AXIN2: variants seen among roughly 807,000 people sequenced by gnomAD.
The protein encoded by AXIN2 is axin 2.
A neutral mutation model predicts 74.7 loss-of-function variants in AXIN2; 21 were observed. The ratio of observed to expected loss-of-function variants is 0.28; its 90% CI spans 0.20 to 0.40. The LOEUF is 0.40. Among genes scored for constraint, AXIN2 ranks in the 10% least tolerant of loss-of-function variants. The pLI is 1.00. For missense variants in AXIN2, 1,144 were observed against 1,111.1 expected (o/e 1.03, Z -0.42); for synonymous variants, 532 against 454.9 (o/e 1.17, Z -2.16).
At chr17:65,531,194 T>TAAA (rs5821590) in intron 10 of AXIN2, among the ~76,000 whole-genome samples, 34 of 149,434 alleles carry the variant, frequency 2.3e-4, no homozygotes, top group South Asian at 1.5e-3. Flanking sequence ...CTTTTCCCTT[T>TAAA]AAAAAAAAAA....
Position 65,541,564 on chromosome 17 carries a change from G to T in AXIN2, c.957-7C>A. 1 of 1,607,818 alleles carries T rather than the reference G, an allele frequency of 6.2e-7. No homozygotes were observed. The highest frequency in any genetic ancestry group is 8.5e-7 in the Non-Finnish European group (1 of 1,174,208). Reference sequence around the variant, plus strand: ...ATAAGGAGGAATTCCATCTCTAAGGGAAAGGAAAAGACAGAATCCACAGGC... The same window carrying T: ...ATAAGGAGGAATTCCATCTCTAAGGTAAAGGAAAAGACAGAATCCACAGGC... On this transcript the variant is annotated splice_region_variant and splice_polypyrimidine_tract_variant and intron_variant, in intron 3 of 10. Coordinates refer to ENST00000307078, the MANE Select transcript of AXIN2 (RefSeq NM_004655.4).
chr17:65,533,062 G>A (rs373595505), intron 10 of AXIN2, among the ~76,000 whole-genome samples: 53 of 152,348 alleles, frequency 3.5e-4, no homozygotes, highest in African/African-American at 1.2e-3. Flanking sequence ...TGCTCCTTAC[G>A]AGGGAAATGA....
Position 65,541,410 on chromosome 17 carries a change from A to G in AXIN2, c.1059+45T>C, listed in dbSNP as rs762254121. ...CACCCATTTCTTTTCTTTAGGACTC[A>G]ACATGGCAGAAAACAGCTGTCTCCT... On this transcript the variant is annotated intron_variant, in intron 4 of 10. Coordinates refer to ENST00000307078, the MANE Select transcript of AXIN2 (RefSeq NM_004655.4). The G allele has an allele frequency of 3.2e-5, 50 of 1,541,692 alleles. No homozygotes were observed. The South Asian group carries it at 5.2e-4, about 16-fold the overall frequency.
chr17:65,537,791 C>T lies in AXIN2; in HGVS notation c.1245G>A (p.Glu415=). The change falls in exon 6 of 11, where the codon GAG becomes GAA. Residue 415 remains glutamate, a synonymous_variant. Transcript: ENST00000307078. The stretch of plus-strand genomic sequence containing the variant: ...AGAGGGGGTGCTGCGTGGGCGCCCC[C>T]TCCCGCGAATTGAGTGTGAGCTCGG... ...EGSELTLNSR[E]GAPTQHPLSL... is the part of the protein sequence containing the mutation. 2 of 1,588,684 alleles carry T rather than the reference C, an allele frequency of 1.3e-6. No individual in the cohort carries two copies. Among genetic ancestry groups the T allele is most frequent in the Admixed American group, 1.8e-5 (1 of 56,286 alleles).
chr17:65,556,127 C>T (rs2044263108), intron 2 of AXIN2, among the ~76,000 whole-genome samples: 1 of 152,158 alleles, frequency 6.6e-6, no homozygotes, highest in Non-Finnish European at 1.5e-5. Flanking sequence ...GTCGCAACTG[C>T]CCACCCACAA....
chr17:65,529,259 C>G lies in AXIN2; in HGVS notation c.*717G>C, dbSNP rs957951803. 8.5e-6 allele frequency: 2 copies of G among 235,928 alleles called. No homozygotes were observed. The highest frequency in any genetic ancestry group is 2.2e-5 in the African/African-American group (1 of 45,448). The allele number at this position is 235,928 out of a possible 1,614,324, so 14.6% of individuals were successfully genotyped here. A position where few individuals can be genotyped will look rare whatever the true frequency, so the allele number is the denominator to read the frequency against. ...TGCCTCTCCCTCTGCAACAGATCATCCCATCCAACACAACCCCCAAAATGT... is the reference window on the plus strand; with the variant it reads ...TGCCTCTCCCTCTGCAACAGATCATGCCATCCAACACAACCCCCAAAATGT... On this transcript the variant is annotated 3_prime_UTR_variant, in exon 11 of 11. Coordinates refer to ENST00000307078, the MANE Select transcript of AXIN2 (RefSeq NM_004655.4).
At chr17:65,552,219 G>A (rs2044203785) in intron 2 of AXIN2, among the ~76,000 whole-genome samples, 1 of 152,208 alleles carries the variant, frequency 6.6e-6, no homozygotes, top group Admixed American at 6.5e-5. Flanking sequence ...TCGTAGTTGA[G>A]AAGGGGGACT....
At position 65,528,647 on chromosome 17, in the gene AXIN2, CT is replaced by C. The variant is rs1265148949; in HGVS notation, c.*1328del. 1 of 515,832 alleles carries C rather than the reference CT, an allele frequency of 1.9e-6. No homozygotes were observed. The highest frequency in any genetic ancestry group is 2.9e-4 in the Middle Eastern group (1 of 3,434). 32.0% of individuals were successfully genotyped at this position (515,832 alleles called of 1,614,324 possible). Reference sequence around the variant, plus strand: ...CCAAGTAATTTTCCTTAAATGAACTCTTTATAATGCATAATTTACAGTATAA... The same window carrying C: ...CCAAGTAATTTTCCTTAAATGAACTCTTATAATGCATAATTTACAGTATAA... On this transcript the variant is annotated 3_prime_UTR_variant, in exon 11 of 11. Transcript: ENST00000307078.
chr17:65,559,030 T>C (rs2044321492), intron 1 of AXIN2, among the ~76,000 whole-genome samples: 1 of 151,980 alleles, frequency 6.6e-6, no homozygotes. Context: ...AGGGGGACAC[T>C]GGAGGTGTAA....
intron 9 of AXIN2, 128 bp downstream of exon 9, chr17:65,535,498 A>G: frequency 1.2e-6 from 1 of 859,234 alleles, no homozygotes; most frequent in Non-Finnish European, 1.9e-6. Flanking sequence ...GTTCCTCATC[A>G]CTAGCGCTAA....
In AXIN2 at chr17:65,538,300, G is replaced by C. The variant is rs1480983759; in HGVS notation, c.1103C>G (p.Ala368Gly). The C allele has an allele frequency of 3.1e-6, 5 of 1,614,222 alleles. No individual in the cohort carries two copies. The highest frequency in any genetic ancestry group is 3.4e-6 in the Non-Finnish European group (4 of 1,180,048). The change falls in exon 5 of 11, where the codon GCC becomes GGC. Residue 368 changes from alanine to glycine, a missense_variant. Coordinates refer to ENST00000307078, the MANE Select transcript of AXIN2 (RefSeq NM_004655.4). ...LPKEMTPVEP[A>G]TFAAELISRL... ...CGAGATCAGCTCAGCTGCAAAGGTG[G>C]CGGGTTCCACGGGGGTCATCTCCTT...
At chr17:65,553,307 G>C (rs1365933376) in intron 2 of AXIN2, among the ~76,000 whole-genome samples, 1 of 152,102 alleles carries the variant, frequency 6.6e-6, no homozygotes, top group Non-Finnish European at 1.5e-5. Flanking sequence ...CACTGGAAAA[G>C]TTTTTTAGTT....
chr17:65,539,821 C>T (rs1360773814), intron 4 of AXIN2, among the ~76,000 whole-genome samples: 1 of 152,212 alleles, frequency 6.6e-6, no homozygotes, highest in Non-Finnish European at 1.5e-5. Context: ...GTGCTTTCTT[C>T]CCCTCCCCTC....
At chr17:65,536,574 G>A (rs190627728) in intron 7 of AXIN2, 21 bp from the exon 8 acceptor site, 2 of 1,612,328 alleles carry the variant, frequency 1.2e-6, no homozygotes, top group Non-Finnish European at 1.7e-6. Flanking sequence ...AATGAGCAGA[G>A]AGAAAACAGA....
intron 3 of AXIN2, 115 bp from the exon 4 acceptor site, chr17:65,541,672 T>C (rs533363995): frequency 1.1e-4 from 93 of 874,408 alleles, no homozygotes; most frequent in East Asian, 6.2e-4. Flanking sequence ...CATGCTTCCA[T>C]AGGAGTGTCA....
intron 3 of AXIN2, among the ~76,000 whole-genome samples, chr17:65,544,276 A>G (rs1385828872): frequency 1.3e-5 from 2 of 151,980 alleles, no homozygotes; most frequent in Non-Finnish European, 2.9e-5. Context: ...GGTTAAAAAA[A>G]AAAAACAGGA....
intron 7 of AXIN2, 101 bp downstream of exon 7, chr17:65,536,768 A>G: frequency 6.5e-7 from 1 of 1,528,538 alleles, no homozygotes; most frequent in East Asian, 2.3e-5. Flanking sequence ...GCAAATAGTC[A>G]CATTTGTATT....
chr17:65,538,112 G>A lies in AXIN2; in HGVS notation c.1200+91C>T, dbSNP rs545632123. Reference sequence around the variant, plus strand: ...ATGCGCATGCAACCCACGCACATGCGCACACCCTAACGCACCCCATGCACA... The same window carrying A: ...ATGCGCATGCAACCCACGCACATGCACACACCCTAACGCACCCCATGCACA... On this transcript the variant is annotated intron_variant, in intron 5 of 10. Coordinates refer to ENST00000307078, the MANE Select transcript of AXIN2 (RefSeq NM_004655.4). 3.8e-6 allele frequency: 6 copies of A among 1,594,118 alleles called. No individual in the cohort carries two copies. The Admixed American group carries it at 5.1e-5, about 14-fold the overall frequency.
intron 2 of AXIN2, among the ~76,000 whole-genome samples, chr17:65,555,193 C>T (rs899123198): frequency 6.6e-6 from 1 of 152,220 alleles, no homozygotes; most frequent in Non-Finnish European, 1.5e-5. Context: ...GTGCCCCAGG[C>T]ATCCGGCTGC....
Sources: allele counts gnomAD v4.1 joint callset (sites outside exome capture counted in the v4.1 genomes callset), GRCh38; gene constraint gnomAD v4.1.1; transcripts MANE v1.5; gene names NCBI Gene and HGNC (gene_info 2026-07-23, HGNC 2026-07-21).